TBC1D16: variants seen among roughly 807,000 people sequenced by gnomAD.
The protein encoded by TBC1D16 is TBC1 domain family member 16.
A neutral mutation model predicts 74.7 loss-of-function variants in TBC1D16; 58 were observed. That is an observed-to-expected ratio of 0.78 (90% CI 0.63 to 0.97). The LOEUF is 0.97. TBC1D16 is among the 50% of genes least tolerant of loss of function. TBC1D16 has a pLI of 0.00. For missense variants in TBC1D16, 1,014 were observed against 1,079.5 expected (o/e 0.94, Z 0.85); for synonymous variants, 493 against 474.7 (o/e 1.04, Z -0.50).
rs2034540722 is a variant in TBC1D16, at chr17:79,980,633, A to C, written c.780-27815T>G. Among the ~76,000 whole-genome samples, 1 of 152,344 alleles carries C rather than the reference A, an allele frequency of 6.6e-6. No homozygotes were observed. Among genetic ancestry groups the C allele is most frequent in the South Asian group, 2.1e-4 (1 of 4,828 alleles). On this transcript the variant is annotated intron_variant, in intron 3 of 11. Transcript: ENST00000310924. The surrounding 1 kb of genome is among the most constrained non-coding windows in gnomAD (Gnocchi z 7.0). ...TGGGTGGCAGGAACGGGGAACAGAA[A>C]GCCAGAACCTTCTAGATTCTGAGCT... is the stretch of plus-strand genomic sequence containing the variant.
At position 80,010,006 on chromosome 17, in the gene TBC1D16, G is replaced by A. The variant is rs900344652; in HGVS notation, c.779+154C>T. Reference sequence around the variant, plus strand: ...CTGCTGAAGCCCTTGCCTCAGGGAGGGGCTCCTGCCACAGCCACGGCCACA... The same window carrying A: ...CTGCTGAAGCCCTTGCCTCAGGGAGAGGCTCCTGCCACAGCCACGGCCACA... On this transcript the variant is annotated intron_variant, in intron 3 of 11. Coordinates refer to ENST00000310924, the MANE Select transcript of TBC1D16 (RefSeq NM_019020.4). This position sits in a 1 kb window ranked among gnomAD's most constrained non-coding sequence, Gnocchi z 8.8. Among the ~76,000 whole-genome samples, 2 of 152,144 alleles carry A rather than the reference G, an allele frequency of 1.3e-5. No individual in the cohort carries two copies. The highest frequency in any genetic ancestry group is 1.3e-4 in the Admixed American group (2 of 15,284).
At chr17:79,947,868 C>A (rs772831708) in intron 8 of TBC1D16, 37 bp from the exon 9 acceptor site, 9 of 1,574,448 alleles carry the variant, frequency 5.7e-6, no homozygotes, top group African/African-American at 1.3e-5. Flanking sequence ...GTGGGGATGA[C>A]CCTCACCGCG....
intron 3 of TBC1D16, among the ~76,000 whole-genome samples, chr17:79,974,118 C>T (rs369876652): frequency 6.6e-6 from 1 of 152,182 alleles, no homozygotes; most frequent in African/African-American, 2.4e-5. Flanking sequence ...CTAGGGCAGC[C>T]GATCTGATCA....
chr17:79,950,505 G>T lies in TBC1D16; in HGVS notation c.1163C>A (p.Pro388His), dbSNP rs753349595. 1 of 1,613,508 alleles carries T rather than the reference G, an allele frequency of 6.2e-7. No homozygotes were observed. Among genetic ancestry groups the T allele is most frequent in the South Asian group, 1.1e-5 (1 of 90,808 alleles). Residue 388 changes from proline to histidine, a missense_variant, in exon 6 of 12, where the codon CCC becomes CAC. Physicochemically the swap from Pro to His is moderately conservative, Grantham distance 77. Transcript: ENST00000310924. This position sits in a 1 kb window ranked among gnomAD's most constrained non-coding sequence, Gnocchi z 4.6. ...RPKLPSSETH[P>H]EESMYKRLGV... ...GAGCCTCTTGTACATGCTCTCCTCG[G>T]GGTGCGTCTCGGAGGACGGCAGCTT...
At chr17:79,967,690 C>G (rs932480523) in intron 3 of TBC1D16, among the ~76,000 whole-genome samples, 1 of 152,136 alleles carries the variant, frequency 6.6e-6, no homozygotes, top group Non-Finnish European at 1.5e-5. Context: ...TACACAGATT[C>G]AACACAGTTC....
rs199826460 is a variant in TBC1D16, at chr17:79,937,287, A to AC, written c.*3571dup. ...CTCACAGGAACGGAAGCACCACCCC[A>AC]CCTCTATTCCCTGTGGCCTCCAAAA... On this transcript the variant is annotated 3_prime_UTR_variant, in exon 12 of 12. Coordinates refer to ENST00000310924, the MANE Select transcript of TBC1D16 (RefSeq NM_019020.4). The AC allele has an allele frequency of 6.6e-6, 1 of 152,486 alleles. No individual in the cohort carries two copies. Among genetic ancestry groups the AC allele is most frequent in the Non-Finnish European group, 1.5e-5 (1 of 68,232 alleles). The allele number at this position is 152,486 out of a possible 1,614,324, so 9.4% of individuals were successfully genotyped here.
rs930045965 is a variant in TBC1D16, at chr17:79,981,496, C to T, written c.779+28664G>A. Reference sequence around the variant, plus strand: ...TGCCCCCGACAAGTTTAACCCCTTCCTTCTTTGGCACACACTTCACAAAAG... The same window carrying T: ...TGCCCCCGACAAGTTTAACCCCTTCTTTCTTTGGCACACACTTCACAAAAG... On this transcript the variant is annotated intron_variant, in intron 3 of 11. Coordinates refer to ENST00000310924, the MANE Select transcript of TBC1D16 (RefSeq NM_019020.4). The surrounding 1 kb of genome is among the most constrained non-coding windows in gnomAD (Gnocchi z 6.9). 6.6e-6 allele frequency among the ~76,000 whole-genome samples: 1 copy of T among 152,234 alleles called. No individual in the cohort carries two copies. The highest frequency in any genetic ancestry group is 2.4e-5 in the African/African-American group (1 of 41,468).
chr17:79,968,594 C>T (rs1377464239), intron 3 of TBC1D16, among the ~76,000 whole-genome samples: 2 of 152,184 alleles, frequency 1.3e-5, no homozygotes, highest in African/African-American at 4.8e-5. Context: ...TGGCTCACGC[C>T]TGTAATCCCA....
rs565966384 is a variant in TBC1D16, at chr17:79,975,125, C to T, written c.780-22307G>A. ...AAGGCCACAAACACCCGGAACAATCCGCCAGGCCGCGTCACTCCTCACCCT... is the reference window on the plus strand; with the variant it reads ...AAGGCCACAAACACCCGGAACAATCTGCCAGGCCGCGTCACTCCTCACCCT... On this transcript the variant is annotated intron_variant, in intron 3 of 11. Transcript: ENST00000310924. The surrounding 1 kb of genome is among the most constrained non-coding windows in gnomAD (Gnocchi z 4.5). Among the ~76,000 whole-genome samples the T allele has an allele frequency of 2.0e-5, 3 of 152,370 alleles. No homozygotes were observed. Among genetic ancestry groups the T allele is most frequent in the Admixed American group, 1.3e-4 (2 of 15,308 alleles).
Position 79,948,951 on chromosome 17 carries a change from C to T in TBC1D16, c.1462G>A (p.Val488Met). 6.2e-7 allele frequency: 1 copy of T among 1,614,172 alleles called. No homozygotes were observed. The highest frequency in any genetic ancestry group is 1.6e-4 in the Middle Eastern group (1 of 6,062). The part of the protein sequence containing the change: ...RAFWRNVQFT[V>M]DKDVVRTDRN... ...TCTGTCCGGACCACGTCTTTGTCCA[C>T]AGTGAACTGCACATTACGCCAGAAC... The change falls in exon 8 of 12, where the codon GTG (valine) becomes ATG (methionine). Residue 488 changes from valine (V) to methionine (M), a missense_variant. By Grantham distance (21) the Val-to-Met change is conservative (BLOSUM62 1). Transcript: ENST00000310924.
Position 79,954,341 on chromosome 17 carries a change from C to A in TBC1D16, c.780-1523G>T, listed in dbSNP as rs140088172. 6.6e-6 allele frequency among the ~76,000 whole-genome samples: 1 copy of A among 152,208 alleles called. No homozygotes were observed. Among genetic ancestry groups the A allele is most frequent in the South Asian group, 2.1e-4 (1 of 4,832 alleles). ...CACTGGGAACTTCACACAGAGAAACCTGACTGGCCTTTCTAGAGCCCTCTA... is the reference window on the plus strand; with the variant it reads ...CACTGGGAACTTCACACAGAGAAACATGACTGGCCTTTCTAGAGCCCTCTA... On this transcript the variant is annotated intron_variant, in intron 3 of 11. Transcript: ENST00000310924. This position sits in a 1 kb window ranked among gnomAD's most constrained non-coding sequence, Gnocchi z 5.5.
Position 79,940,622 on chromosome 17 carries a change from G to A in TBC1D16, c.*237C>T, listed in dbSNP as rs374456455. On this transcript the variant is annotated 3_prime_UTR_variant, in exon 12 of 12. Coordinates refer to ENST00000310924, the MANE Select transcript of TBC1D16 (RefSeq NM_019020.4). The surrounding 1 kb of genome is among the most constrained non-coding windows in gnomAD (Gnocchi z 5.4). The stretch of plus-strand genomic sequence containing the variant: ...TGCGTCTCAGGTGCGGTGGCTGCGC[G>A]TTCCACTGCAGCGTTTCAGGAGCTG... 10 of 419,338 alleles carry A rather than the reference G, an allele frequency of 2.4e-5. No homozygotes were observed. The Middle Eastern group carries it at 2.5e-3, about 107-fold the overall frequency. The allele number at this position is 419,338 out of a possible 1,614,324, so 26.0% of individuals were successfully genotyped here.
In TBC1D16 at chr17:79,969,090, A is replaced by G. The variant is rs146612721; in HGVS notation, c.780-16272T>C. Among the ~76,000 whole-genome samples the G allele has an allele frequency of 9.9e-4, 151 of 152,184 alleles. No homozygotes were observed. In the Middle Eastern group the frequency reaches 0.01, roughly 10 times the overall value. On this transcript the variant is annotated intron_variant, in intron 3 of 11. Transcript: ENST00000310924. ...AATTCTCCACATCATTATTCCCTGG[A>G]GAAATGCAAATCAAGGCCGAGCGTG...
chr17:79,958,003 A>T (rs1164807694), intron 3 of TBC1D16, among the ~76,000 whole-genome samples: 1 of 152,144 alleles, frequency 6.6e-6, no homozygotes, highest in African/African-American at 2.4e-5. Context: ...AAAGGAAAAT[A>T]AAAAAATTTA....
At chr17:79,982,376 C>T (rs572126634) in intron 3 of TBC1D16, among the ~76,000 whole-genome samples, 3 of 151,518 alleles carry the variant, frequency 2.0e-5, no homozygotes, top group African/African-American at 7.2e-5. Flanking sequence ...GAACTCCTGA[C>T]CTCGTGATCC....
chr17:79,958,542 A>G (rs145863828), intron 3 of TBC1D16, among the ~76,000 whole-genome samples: 30 of 152,352 alleles, frequency 2.0e-4, no homozygotes, highest in African/African-American at 7.2e-4. Flanking sequence ...CTGAATGGCA[A>G]TTTGGAAACA....
intron 3 of TBC1D16, among the ~76,000 whole-genome samples, chr17:80,004,569 C>T (rs2035606365): frequency 6.6e-6 from 1 of 152,200 alleles, no homozygotes; most frequent in Admixed American, 6.5e-5. Context: ...TTAGAGGGAC[C>T]TTAGTCGGTC....
chr17:79,997,075 TAC>T (rs2035300509), intron 3 of TBC1D16, among the ~76,000 whole-genome samples: 1 of 152,220 alleles, frequency 6.6e-6, no homozygotes, highest in African/African-American at 2.4e-5. Flanking sequence ...GTAAAATTCT[TAC>T]AGAGGAGTGG....
At position 79,994,193 on chromosome 17, in the gene TBC1D16, C is replaced by T. The variant is rs990256023; in HGVS notation, c.779+15967G>A. Among the ~76,000 whole-genome samples, 2 of 151,754 alleles carry T rather than the reference C, an allele frequency of 1.3e-5. No homozygotes were observed. Among genetic ancestry groups the T allele is most frequent in the African/African-American group, 2.4e-5 (1 of 41,250 alleles). On this transcript the variant is annotated intron_variant, in intron 3 of 11. Coordinates refer to ENST00000310924, the MANE Select transcript of TBC1D16 (RefSeq NM_019020.4). This position sits in a 1 kb window ranked among gnomAD's most constrained non-coding sequence, Gnocchi z 4.6. ...AACAGCATGGTTTAAGACGGCCCAC[C>T]AGATGCACTGGCTCCGCCCCCATCT...
Sources: allele counts gnomAD v4.1 joint callset (sites outside exome capture counted in the v4.1 genomes callset), GRCh38; gene constraint gnomAD v4.1.1; non-coding constraint Gnocchi (gnomAD v3.1); transcripts MANE v1.5; gene names NCBI Gene and HGNC (gene_info 2026-07-23, HGNC 2026-07-21).